Variants in TTC29 observed in about 807,000 individuals in gnomAD.
TTC29 encodes the protein tetratricopeptide repeat protein 29.
Under a neutral mutation model 58.1 loss-of-function variants are expected in TTC29, and 49 were observed. The ratio of observed to expected loss-of-function variants is 0.84; its 90% CI spans 0.67 to 1.07. The LOEUF is 1.07. TTC29 is among the 50% of genes least tolerant of loss of function. The probability of loss-of-function intolerance (pLI) is 0.00; values close to 1 mark genes in which losing one functional copy is unlikely to be tolerated. For missense variants in TTC29, 582 were observed against 555.6 expected (o/e 1.05, Z -0.48); for synonymous variants, 209 against 196.8 (o/e 1.06, Z -0.52).
At chr4:146,784,254 G>A (rs913940037) in intron 11 of TTC29, among the ~76,000 whole-genome samples, 1 of 151,840 alleles carries the variant, frequency 6.6e-6, no homozygotes, top group Non-Finnish European at 1.5e-5. Flanking sequence ...AAGCCTTTTA[G>A]ATAATTTAAA....
rs182250688 is a variant in TTC29, at chr4:146,748,830, A to C, written c.1331-41279T>G. On this transcript the variant is annotated intron_variant, in intron 11 of 12. Transcript: ENST00000325106. ...TCAATGCAGGGACACAAGACAGATGAAACAATAAAGGAACATGGCATCACC... is the reference window on the plus strand; with the variant it reads ...TCAATGCAGGGACACAAGACAGATGCAACAATAAAGGAACATGGCATCACC... 1.4e-4 allele frequency among the ~76,000 whole-genome samples: 21 copies of C among 152,314 alleles called. No individual in the cohort carries two copies. The East Asian group carries it at 3.7e-3, about 27-fold the overall frequency.
intron 8 of TTC29, among the ~76,000 whole-genome samples, chr4:146,841,180 G>A (rs1728828782): frequency 6.6e-6 from 1 of 152,058 alleles, no homozygotes; most frequent in South Asian, 2.1e-4. Flanking sequence ...TCTACTTTCT[G>A]AGCACCTCAA....
At chr4:146,761,888 T>C (rs1313349742) in intron 11 of TTC29, among the ~76,000 whole-genome samples, 1 of 151,884 alleles carries the variant, frequency 6.6e-6, no homozygotes, top group East Asian at 1.9e-4. Flanking sequence ...AGAATTCTGA[T>C]TAAAATTATG....
At chr4:146,843,015 A>G (rs1728945212) in intron 8 of TTC29, among the ~76,000 whole-genome samples, 1 of 152,318 alleles carries the variant, frequency 6.6e-6, no homozygotes, top group Non-Finnish European at 1.5e-5. Context: ...TGATTCAGAC[A>G]ATCAACTGCA....
At chr4:146,720,638 T>A (rs1312869598) in intron 11 of TTC29, among the ~76,000 whole-genome samples, 2 of 152,100 alleles carry the variant, frequency 1.3e-5, no homozygotes, top group Admixed American at 1.3e-4. Context: ...ATTCAAAGAC[T>A]CCTGAAATGC....
In TTC29 at chr4:146,890,217, C is replaced by T. The variant is rs550632538; in HGVS notation, c.586+13327G>A. Among the ~76,000 whole-genome samples the T allele has an allele frequency of 5.3e-5, 8 of 152,262 alleles. No homozygotes were observed. The South Asian group carries it at 1.7e-3, about 32-fold the overall frequency. ...AAGGCGTCAGGAGGGTTTATTCCTT[C>T]TGAGGTCACATTCATAAGTACTGGG... On this transcript the variant is annotated intron_variant, in intron 6 of 12. Transcript: ENST00000325106.
chr4:146,911,931 C>A (rs1733923181), intron 4 of TTC29, among the ~76,000 whole-genome samples: 3 of 152,140 alleles, frequency 2.0e-5, no homozygotes, highest in South Asian at 4.1e-4. Context: ...AAAACTAGAG[C>A]TATGTCTGCA....
At chr4:146,740,991 G>A (rs1745096383) in intron 11 of TTC29, among the ~76,000 whole-genome samples, 1 of 152,132 alleles carries the variant, frequency 6.6e-6, no homozygotes, top group African/African-American at 2.4e-5. Flanking sequence ...CTAGGCGCTG[G>A]AATAACAGGC....
intron 4 of TTC29, among the ~76,000 whole-genome samples, chr4:146,937,255 A>G (rs1379666876): frequency 6.6e-6 from 1 of 152,074 alleles, no homozygotes; most frequent in Non-Finnish European, 1.5e-5. Context: ...GAGAAAAGAT[A>G]TATAAATCTG....
At chr4:146,863,000 T>C (rs192474124) in intron 8 of TTC29, among the ~76,000 whole-genome samples, 370 of 151,902 alleles carry the variant, frequency 2.4e-3, no homozygotes, top group Non-Finnish European at 4.9e-3. Flanking sequence ...CATGCGCCTG[T>C]AGTCCCAGCT....
intron 11 of TTC29, among the ~76,000 whole-genome samples, chr4:146,771,424 C>G (rs1413140974): frequency 6.6e-6 from 1 of 152,044 alleles, no homozygotes; most frequent in Non-Finnish European, 1.5e-5. Flanking sequence ...CCTCTGCCCT[C>G]CAGTAGGCCG....
chr4:146,752,405 T>A (rs948599150), intron 11 of TTC29, among the ~76,000 whole-genome samples: 1 of 144,008 alleles, frequency 6.9e-6, no homozygotes, highest in Non-Finnish European at 1.5e-5. Context: ...TAAAAGAGGA[T>A]ACAAACAAAT....
intron 11 of TTC29, among the ~76,000 whole-genome samples, chr4:146,790,306 A>G (rs946854276): frequency 5.9e-5 from 9 of 151,456 alleles, no homozygotes; most frequent in African/African-American, 1.9e-4. Context: ...CTCCTGCCTC[A>G]GCCTCCTAAG....
At chr4:146,940,314 T>C (rs923507764) in intron 2 of TTC29, among the ~76,000 whole-genome samples, 2 of 152,252 alleles carry the variant, frequency 1.3e-5, no homozygotes, top group African/African-American at 2.4e-5. Flanking sequence ...AAATTGCTTA[T>C]ACTTGCTGTT....
At chr4:146,766,831 T>G (rs1747358463) in intron 11 of TTC29, among the ~76,000 whole-genome samples, 1 of 152,050 alleles carries the variant, frequency 6.6e-6, no homozygotes, top group Non-Finnish European at 1.5e-5. Context: ...ACAGGGATTG[T>G]GAATTGGGAA....
chr4:146,825,007 T>A (rs149629850), intron 9 of TTC29, among the ~76,000 whole-genome samples: 4,110 of 152,266 alleles, frequency 0.027, 70 homozygotes, highest in Non-Finnish European at 0.043. Flanking sequence ...TCTATATTAG[T>A]CTTGCTAGCA....
intron 11 of TTC29, among the ~76,000 whole-genome samples, chr4:146,710,931 T>G (rs937571842): frequency 6.6e-6 from 1 of 152,028 alleles, no homozygotes; most frequent in African/African-American, 2.4e-5. Flanking sequence ...TTGAAAACAA[T>G]GGAATATAAT....
At chr4:146,763,034 T>A (rs540603459) in intron 11 of TTC29, among the ~76,000 whole-genome samples, 271 of 152,174 alleles carry the variant, frequency 1.8e-3, no homozygotes, top group Non-Finnish European at 2.9e-3. Context: ...TCTGCCCACC[T>A]GTTTGGTTAT....
rs186490444 is a variant in TTC29, at chr4:146,757,648, T to C, written c.1330+45809A>G. ...CAGAAACCCTAAAAGCTAGAAGGGA[T>C]TGGGGCACTATCTTCAGCCTCCTTA... On this transcript the variant is annotated intron_variant, in intron 11 of 12. Coordinates refer to ENST00000325106, the MANE Select transcript of TTC29 (RefSeq NM_031956.4). 9.2e-3 allele frequency among the ~76,000 whole-genome samples: 1,395 copies of C among 152,238 alleles called. 16 individuals are homozygous for C. Among genetic ancestry groups the C allele is most frequent in the Middle Eastern group, 0.024 (7 of 294 alleles).
Sources: allele counts gnomAD v4.1 joint callset (sites outside exome capture counted in the v4.1 genomes callset), GRCh38; gene constraint gnomAD v4.1.1; transcripts MANE v1.5; gene names NCBI Gene and HGNC (gene_info 2026-07-23, HGNC 2026-07-21).